MARCHF3: variants seen among roughly 807,000 people sequenced by gnomAD.
MARCHF3 encodes E3 ubiquitin-protein ligase MARCHF3.
A neutral mutation model predicts 24.2 loss-of-function variants in MARCHF3; 13 were observed. The ratio of observed to expected loss-of-function variants is 0.54; its 90% CI spans 0.35 to 0.85. The LOEUF (loss-of-function observed/expected upper bound fraction) is 0.85, where lower values mean the gene tolerates loss of function less well. Among genes scored for constraint, MARCHF3 ranks in the 40% least tolerant of loss-of-function variants. The probability of loss-of-function intolerance (pLI) is 0.01; values close to 1 mark genes in which losing one functional copy is unlikely to be tolerated. For synonymous variants in MARCHF3, 144 were observed against 137.3 expected (o/e 1.05, Z -0.34); for missense variants, 276 against 325.0 (o/e 0.85, Z 1.16).
intron 1 of MARCHF3, chr5:127,029,814 G>C (rs1329206053): frequency 6.6e-6 from 1 of 152,288 alleles, no homozygotes; most frequent in East Asian, 1.9e-4. Context: ...AATTACTTTA[G>C]AAAGTTCAAA....
At chr5:127,006,103 TG>T (rs2126854091) in intron 1 of MARCHF3, among the ~76,000 whole-genome samples, 1 of 151,132 alleles carries the variant, frequency 6.6e-6, no homozygotes, top group East Asian at 1.9e-4. Flanking sequence ...CTCGGGATGT[TG>T]AGGTATGAGA....
At chr5:127,024,242 T>C (rs867338727) in intron 1 of MARCHF3, among the ~76,000 whole-genome samples, 21 of 152,344 alleles carry the variant, frequency 1.4e-4, no homozygotes, top group African/African-American at 5.1e-4. Context: ...AAGTTGACAG[T>C]TGAACACTAG....
intron 2 of MARCHF3, among the ~76,000 whole-genome samples, chr5:126,917,213 C>T (rs889884454): frequency 6.6e-6 from 1 of 152,096 alleles, no homozygotes; most frequent in African/African-American, 2.4e-5. Flanking sequence ...GTTAGAAGTC[C>T]CACTTAACCA....
chr5:126,897,405 T>A (rs1476735054), intron 3 of MARCHF3, among the ~76,000 whole-genome samples: 1 of 151,820 alleles, frequency 6.6e-6, no homozygotes, highest in African/African-American at 2.4e-5. Context: ...ACCCTGACCC[T>A]CTCCTTACTC....
intron 1 of MARCHF3, among the ~76,000 whole-genome samples, chr5:126,999,554 C>T (rs979346557): frequency 6.6e-6 from 1 of 152,242 alleles, no homozygotes; most frequent in Non-Finnish European, 1.5e-5. Flanking sequence ...CCCTCCATTA[C>T]AGCTTCACCA....
At chr5:126,993,071 C>T (rs1170057766) in intron 1 of MARCHF3, among the ~76,000 whole-genome samples, 3 of 152,126 alleles carry the variant, frequency 2.0e-5, no homozygotes, top group East Asian at 3.9e-4. Context: ...TGCGCCTGGC[C>T]GACATCCCCG....
chr5:126,914,269 C>T (rs563287274), intron 3 of MARCHF3, among the ~76,000 whole-genome samples: 177 of 152,126 alleles, frequency 1.2e-3, no homozygotes, highest in African/African-American at 4.1e-3. Context: ...AGACATGAGC[C>T]ACCGCGCCCA....
At chr5:126,906,687 G>A (rs1184380818) in intron 3 of MARCHF3, among the ~76,000 whole-genome samples, 2 of 152,122 alleles carry the variant, frequency 1.3e-5, no homozygotes, top group Non-Finnish European at 2.9e-5. Flanking sequence ...TTTTTATTGT[G>A]TCTATTTGAT....
At chr5:127,014,817 G>A (rs1194952604) in intron 1 of MARCHF3, among the ~76,000 whole-genome samples, 2 of 152,204 alleles carry the variant, frequency 1.3e-5, no homozygotes, top group Non-Finnish European at 2.9e-5. Flanking sequence ...GTAGGAGGAA[G>A]TTGGGGATAG....
intron 1 of MARCHF3, among the ~76,000 whole-genome samples, chr5:126,946,121 A>T (rs1319346530): frequency 6.6e-6 from 1 of 152,106 alleles, no homozygotes; most frequent in Non-Finnish European, 1.5e-5. Context: ...CTGCAATCCC[A>T]GCACTTTGGG....
At position 126,918,105 on chromosome 5, in the gene MARCHF3, C is replaced by T. The variant is rs367839116; in HGVS notation, c.67G>A (p.Val23Met). The T allele has an allele frequency of 8.7e-6, 14 of 1,614,046 alleles. No individual in the cohort carries two copies. Among genetic ancestry groups the T allele is most frequent in the Admixed American group, 3.3e-5 (2 of 60,010 alleles). Residue 23 changes from valine (V) to methionine (M), a missense_variant, in exon 2 of 5, where the codon GTG becomes ATG. Coordinates refer to ENST00000308660, the MANE Select transcript of MARCHF3 (RefSeq NM_178450.5). ...CCACAATCCTCCACCGTCTTCACCA[C>T]GGGTGCAGCTGAGCTGGTGCAGTCT... The part of the protein sequence containing the change: ...LPDCTSSAAP[V>M]VKTVEDCGSL...
intron 1 of MARCHF3, among the ~76,000 whole-genome samples, chr5:126,935,209 T>C (rs1749603901): frequency 6.6e-6 from 1 of 152,162 alleles, no homozygotes; most frequent in Admixed American, 6.5e-5. Flanking sequence ...TGAGGGTGTT[T>C]CTGGATGAGT....
chr5:126,913,668 C>T (rs1754615185), intron 3 of MARCHF3, among the ~76,000 whole-genome samples: 1 of 152,208 alleles, frequency 6.6e-6, no homozygotes, highest in Admixed American at 6.5e-5. Flanking sequence ...GCAAGTAAGT[C>T]ATAACAGCTA....
rs111373499 is a variant in MARCHF3, at chr5:126,882,610, A to G, written c.394-4216T>C. Among the ~76,000 whole-genome samples the G allele has an allele frequency of 2.4e-3, 368 of 152,260 alleles. 1 individual carries two copies. Among genetic ancestry groups the G allele is most frequent in the African/African-American group, 8.1e-3 (335 of 41,528 alleles). On this transcript the variant is annotated intron_variant, in intron 3 of 4. Transcript: ENST00000308660. The stretch of plus-strand genomic sequence containing the variant: ...TTCTGTAGTAGTATCCTCATCTCCT[A>G]AGCATTAATAAAGAACAGGAAGAGG...
At chr5:127,021,607 A>C (rs915981654) in intron 1 of MARCHF3, among the ~76,000 whole-genome samples, 4 of 152,214 alleles carry the variant, frequency 2.6e-5, no homozygotes, top group Non-Finnish European at 5.9e-5. Flanking sequence ...TAATGTCTTC[A>C]TTGCTAATTT....
At chr5:127,006,200 CAAAAAA>C (rs58415135) in intron 1 of MARCHF3, among the ~76,000 whole-genome samples, 1 of 71,940 alleles carries the variant, frequency 1.4e-5, no homozygotes, top group African/African-American at 5.2e-5. Context: ...GAGGCTCTGT[CAAAAAA>C]AAAAAAAAAA....
intron 1 of MARCHF3, among the ~76,000 whole-genome samples, chr5:127,004,557 T>C (rs1220101498): frequency 2.0e-5 from 3 of 152,174 alleles, no homozygotes; most frequent in Non-Finnish European, 4.4e-5. Context: ...TCATGAAGCT[T>C]ATGAAATTCC....
chr5:126,951,199 A>G (rs1368083373), intron 1 of MARCHF3, among the ~76,000 whole-genome samples: 2 of 152,196 alleles, frequency 1.3e-5, no homozygotes, highest in South Asian at 4.1e-4. Flanking sequence ...CTTGGCTTCC[A>G]GAACATCACA....
intron 1 of MARCHF3, among the ~76,000 whole-genome samples, chr5:126,971,965 A>T (rs543732049): frequency 6.6e-6 from 1 of 152,370 alleles, no homozygotes; most frequent in South Asian, 2.1e-4. Flanking sequence ...GAGGCAAATT[A>T]GAGCAATTAC....
Sources: allele counts gnomAD v4.1 joint callset (sites outside exome capture counted in the v4.1 genomes callset), GRCh38; gene constraint gnomAD v4.1.1; transcripts MANE v1.5; gene names NCBI Gene and HGNC (gene_info 2026-07-23, HGNC 2026-07-21).